The following OR10R2 variants were observed in gnomAD, a reference collection of about 807,000 sequenced individuals.
OR10R2 encodes olfactory receptor family 10 subfamily R member 2.
Under a neutral mutation model 2.4 loss-of-function variants are expected in OR10R2, and 1 was observed. The ratio of observed to expected loss-of-function variants is 0.41; its 90% CI spans 0.15 to 1.95. OR10R2 has a LOEUF of 1.95. OR10R2 is among the 30% of genes most tolerant of loss of function. The pLI is 0.30. For missense variants in OR10R2, 419 were observed against 373.0 expected (o/e 1.12, Z -1.01); for synonymous variants, 166 against 144.8 (o/e 1.15, Z -1.05).
intron 1 of OR10R2, among the ~76,000 whole-genome samples, chr1:158,475,086 G>A (rs1319170652): frequency 6.6e-6 from 1 of 151,932 alleles, no homozygotes; most frequent in Non-Finnish European, 1.5e-5. Context: ...ACAATATAGC[G>A]AGGTTAAATA....
At chr1:158,480,063 T>G in exon 2 of OR10R2, 1 of 1,614,096 alleles carries the variant, frequency 6.2e-7, no homozygotes, top group Non-Finnish European at 8.5e-7. Flanking sequence ...TTAGTGGCAA[T>G]GTCACCATTA....
chr1:158,474,573 G>A (rs1400429525), intron 1 of OR10R2: 1 of 152,120 alleles, frequency 6.6e-6, no homozygotes, highest in African/African-American at 2.4e-5. Context: ...GGTTACAGGG[G>A]GCCTGGAGAG....
At chr1:158,480,786 A>G (rs755182924) in exon 2 of OR10R2, 4 of 1,613,794 alleles carry the variant, frequency 2.5e-6, no homozygotes, top group Non-Finnish European at 3.4e-6. Context: ...TTGTCACTCC[A>G]TTACTAAACC....
chr1:158,473,774 T>TCCTC (rs71084274), intron 1 of OR10R2, among the ~76,000 whole-genome samples: 21 of 34,244 alleles, frequency 6.1e-4, no homozygotes, highest in Non-Finnish European at 1.1e-3. Flanking sequence ...CTTCCTTCCT[T>TCCTC]CCTCCCTCCT....
At chr1:158,475,735 T>G (rs1327171295) in intron 1 of OR10R2, among the ~76,000 whole-genome samples, 1 of 151,686 alleles carries the variant, frequency 6.6e-6, no homozygotes, top group Non-Finnish European at 1.5e-5. Flanking sequence ...CACCAATTGT[T>G]GCTTAATACT....
At chr1:158,480,435 C>G in exon 2 of OR10R2, 1 of 1,614,070 alleles carries the variant, frequency 6.2e-7, no homozygotes, top group Non-Finnish European at 8.5e-7. Context: ...TTTTCAGCCT[C>G]CCTTTTTGTA....
intron 1 of OR10R2, among the ~76,000 whole-genome samples, chr1:158,473,783 CT>C (rs1656209357): frequency 9.9e-6 from 1 of 101,372 alleles, no homozygotes; most frequent in African/African-American, 4.7e-5. Flanking sequence ...TTCCTCCCTC[CT>C]TCCCTCTTTC....
At chr1:158,476,676 AT>A (rs1313305483) in intron 1 of OR10R2, among the ~76,000 whole-genome samples, 71 of 152,268 alleles carry the variant, frequency 4.7e-4, no homozygotes, top group African/African-American at 1.6e-3. Context: ...TTTTTGATCA[AT>A]GTTTGTGAGC....
chr1:158,472,485 C>A (rs181617637), intron 1 of OR10R2, 133 bp downstream of exon 1: 1 of 396,408 alleles, frequency 2.5e-6, no homozygotes, highest in South Asian at 1.4e-4. Flanking sequence ...TTAAGATATA[C>A]GGCAACTGCA....
At chr1:158,476,082 A>G (rs1418761842) in intron 1 of OR10R2, among the ~76,000 whole-genome samples, 1 of 152,104 alleles carries the variant, frequency 6.6e-6, no homozygotes, top group Admixed American at 6.6e-5. Context: ...ATTATTTTCT[A>G]GAACTTATTT....
chr1:158,480,889 A>G (rs756248814), exon 2 of OR10R2: 5 of 1,214,056 alleles, frequency 4.1e-6, no homozygotes, highest in Non-Finnish European at 5.8e-6. Flanking sequence ...TAATTGAAAT[A>G]TTATTACATT....
At position 158,474,948 on chromosome 1, in the gene OR10R2, TTAA is replaced by T. The variant is rs535195390; in HGVS notation, c.27+2602_27+2604del. ...AGACAAAGAGACCAGCAAAAAAAAA[TTAA>T]TAATAGTTAAGAAAATAATACCACT... On this transcript the variant is annotated intron_variant, in intron 1 of 1. Coordinates refer to ENST00000641067, the Ensembl canonical transcript of OR10R2. 3.8e-3 allele frequency among the ~76,000 whole-genome samples: 580 copies of T among 152,036 alleles called. 3 individuals carry two copies. Among genetic ancestry groups the T allele is most frequent in the African/African-American group, 0.013 (547 of 41,476 alleles).
chr1:158,473,900 CCT>C (rs1164176249), intron 1 of OR10R2, among the ~76,000 whole-genome samples: 1 of 147,228 alleles, frequency 6.8e-6, no homozygotes, highest in Non-Finnish European at 1.5e-5. Context: ...TCCCTCTTTC[CCT>C]CTCTGCTTCC....
At chr1:158,476,574 T>C (rs905067436) in intron 1 of OR10R2, among the ~76,000 whole-genome samples, 78 of 147,976 alleles carry the variant, frequency 5.3e-4, no homozygotes, top group Non-Finnish European at 9.0e-4. Context: ...AGGAAAAAAA[T>C]TAAAATAATT....
exon 2 of OR10R2, chr1:158,480,208 A>G (rs766291855): frequency 3.1e-6 from 5 of 1,614,048 alleles, no homozygotes; most frequent in Non-Finnish European, 4.2e-6. Flanking sequence ...TGTGGCCAGG[A>G]CAATCTCCTT....
At chr1:158,476,850 A>C (rs994240463) in intron 1 of OR10R2, among the ~76,000 whole-genome samples, 1 of 152,132 alleles carries the variant, frequency 6.6e-6, no homozygotes, top group Admixed American at 6.5e-5. Context: ...AGCATTTTTC[A>C]TAAGTTTCAT....
intron 1 of OR10R2, among the ~76,000 whole-genome samples, chr1:158,476,059 A>C (rs1158238379): frequency 6.6e-6 from 1 of 152,114 alleles, no homozygotes; most frequent in African/African-American, 2.4e-5. Context: ...ATTTTCTAAT[A>C]TATATAGCTG....
Position 158,480,355 on chromosome 1 carries a change from G to A in OR10R2, c.445G>A (p.Val149Met), listed in dbSNP as rs61741730. The A allele has an allele frequency of 1.9e-4, 310 of 1,614,074 alleles. 1 individual carries two copies. The highest frequency in any genetic ancestry group is 1.4e-3 in the African/African-American group (105 of 75,040). ...TTACCCCACTCTTATGAGCTGGCAG[G>A]TGTGTGGAAAACTGGCAGCTGCCTG... The change falls in exon 2 of 2, where the codon GTG (valine) becomes ATG (methionine). Residue 149 changes from valine to methionine, a missense_variant. Val to Met is a conservative substitution (Grantham distance 21). Transcript: ENST00000641067.
intron 1 of OR10R2, among the ~76,000 whole-genome samples, chr1:158,473,955 C>A (rs1479195813): frequency 6.9e-6 from 1 of 145,670 alleles, no homozygotes; most frequent in Admixed American, 7.0e-5. Context: ...CTCTCTCTTT[C>A]TTTCTTTCTT....
Sources: allele counts gnomAD v4.1 joint callset (sites outside exome capture counted in the v4.1 genomes callset), GRCh38; gene constraint gnomAD v4.1.1; transcripts MANE v1.5; gene names NCBI Gene and HGNC (gene_info 2026-07-23, HGNC 2026-07-21).